The following AGBL1 variants were observed in gnomAD, a reference collection of about 807,000 sequenced individuals.
The protein encoded by AGBL1 is AGBL carboxypeptidase 1, also known as cytosolic carboxypeptidase 4.
In AGBL1, 130 loss-of-function variants were observed where a neutral mutation model predicts 118.9. That is an observed-to-expected ratio of 1.09 (90% CI 0.95 to 1.26). The LOEUF (loss-of-function observed/expected upper bound fraction) is 1.26, where lower values mean the gene tolerates loss of function less well. Among genes scored for constraint, AGBL1 ranks in the 50% most tolerant of loss-of-function variants. AGBL1 has a pLI of 0.00. For synonymous variants in AGBL1, 555 were observed against 478.9 expected (o/e 1.16, Z -2.08); for missense variants, 1,584 against 1,298.1 (o/e 1.22, Z -3.38).
chr15:86,317,401 G>A (rs2080029952), intron 17 of AGBL1, among the ~76,000 whole-genome samples: 1 of 152,190 alleles, frequency 6.6e-6, no homozygotes, highest in Non-Finnish European at 1.5e-5. Context: ...AAATAAAGAA[G>A]CAATGAGAGA....
At chr15:86,183,372 A>T in intron 5 of AGBL1, among the ~76,000 whole-genome samples, 1 of 152,186 alleles carries the variant, frequency 6.6e-6, no homozygotes, top group East Asian at 1.9e-4. Context: ...ATTCAATCCA[A>T]TACCCTCACT....
rs188519824 is a variant in AGBL1 at position 86,696,276 on chromosome 15, T to A, written c.3158+21840T>A. Among the ~76,000 whole-genome samples the A allele has an allele frequency of 3.3e-5, 5 of 152,160 alleles. No individual in the cohort carries two copies. The East Asian group carries it at 9.7e-4, about 29-fold the overall frequency. On this transcript the variant is annotated intron_variant, in intron 22 of 22. Transcript: ENST00000614907. ...TTTGGGAGCTCCAGTGTTAGATGCA[T>A]CTATATTTAGGATTGTGATATTTTC...
intron 18 of AGBL1, among the ~76,000 whole-genome samples, chr15:86,517,184 C>T (rs1238821929): frequency 6.6e-6 from 1 of 152,208 alleles, no homozygotes; most frequent in African/African-American, 2.4e-5. Context: ...AATATGTGTT[C>T]TAGTTCTGGA....
intron 1 of AGBL1, among the ~76,000 whole-genome samples, chr15:86,112,475 C>T (rs142072466): frequency 6.6e-6 from 1 of 152,270 alleles, no homozygotes; most frequent in African/African-American, 2.4e-5. Context: ...GAACATTGTT[C>T]CATTGTATTA....
At chr15:86,524,242 C>A (rs1307464889) in intron 19 of AGBL1, among the ~76,000 whole-genome samples, 1 of 152,192 alleles carries the variant, frequency 6.6e-6, no homozygotes, top group Admixed American at 6.5e-5. Flanking sequence ...CTCTTCATTA[C>A]TTACTGTTGA....
At chr15:86,565,958 C>A (rs768834037) in intron 21 of AGBL1, among the ~76,000 whole-genome samples, 1 of 152,218 alleles carries the variant, frequency 6.6e-6, no homozygotes, top group Non-Finnish European at 1.5e-5. Flanking sequence ...TCCTAGCGTG[C>A]CATTTGCTAA....
intron 21 of AGBL1, among the ~76,000 whole-genome samples, chr15:86,671,772 C>T (rs1479335663): frequency 6.6e-6 from 1 of 152,170 alleles, no homozygotes; most frequent in East Asian, 1.9e-4. Context: ...CAATATGTAT[C>T]TGAGAGATAA....
At chr15:86,876,797 G>A (rs1426379737) in intron 22 of AGBL1, among the ~76,000 whole-genome samples, 1 of 152,172 alleles carries the variant, frequency 6.6e-6, no homozygotes, top group Non-Finnish European at 1.5e-5. Context: ...CTTGCAGAAT[G>A]TAGTTGGCTG....
At chr15:86,364,272 G>A (rs1201951373) in intron 17 of AGBL1, among the ~76,000 whole-genome samples, 1 of 152,190 alleles carries the variant, frequency 6.6e-6, no homozygotes, top group Non-Finnish European at 1.5e-5. Flanking sequence ...TAATAATAGT[G>A]AACATGAATG....
At chr15:86,705,142 G>T (rs904437414) in intron 22 of AGBL1, among the ~76,000 whole-genome samples, 1 of 152,040 alleles carries the variant, frequency 6.6e-6, no homozygotes. Flanking sequence ...AGTGGCTGGT[G>T]GGGGGCAAGG....
chr15:86,820,091 G>C (rs904601727), intron 22 of AGBL1, among the ~76,000 whole-genome samples: 1 of 152,164 alleles, frequency 6.6e-6, no homozygotes, highest in African/African-American at 2.4e-5. Context: ...CTAGCCATAT[G>C]CAGAAAACTG....
intron 1 of AGBL1, among the ~76,000 whole-genome samples, chr15:86,102,510 G>A (rs773975208): frequency 5.3e-5 from 8 of 152,232 alleles, no homozygotes; most frequent in African/African-American, 1.7e-4. Flanking sequence ...GCTTGTCTTG[G>A]AAAGACTTTA....
intron 21 of AGBL1, among the ~76,000 whole-genome samples, chr15:86,557,771 G>C (rs1158575073): frequency 2.0e-5 from 3 of 152,066 alleles, no homozygotes; most frequent in Non-Finnish European, 4.4e-5. Context: ...GCTTAGTATA[G>C]TATAAAGTAG....
chr15:86,279,851 T>C (rs2079320883), intron 16 of AGBL1, 68 bp downstream of exon 16: 11 of 1,565,022 alleles, frequency 7.0e-6, no homozygotes, highest in Admixed American at 1.7e-5. Context: ...CCTGGGAACA[T>C]TTTGGAGACC....
intron 22 of AGBL1, among the ~76,000 whole-genome samples, chr15:86,682,300 C>T (rs2085974451): frequency 6.6e-6 from 1 of 152,048 alleles, no homozygotes; most frequent in East Asian, 1.9e-4. Flanking sequence ...AGAAGAAGTG[C>T]TAATTTTAGG....
chr15:86,214,392 A>G (rs2078151060), intron 5 of AGBL1, among the ~76,000 whole-genome samples: 1 of 152,212 alleles, frequency 6.6e-6, no homozygotes, highest in Non-Finnish European at 1.5e-5. Flanking sequence ...ATTCTGTAGA[A>G]TTCTATTTTG....
At chr15:86,970,625 T>C (rs1251377328) in intron 23 of AGBL1, among the ~76,000 whole-genome samples, 2 of 151,988 alleles carry the variant, frequency 1.3e-5, no homozygotes, top group Non-Finnish European at 2.9e-5. Flanking sequence ...TAGGTTTGAT[T>C]TGATAATGCA....
intron 22 of AGBL1, among the ~76,000 whole-genome samples, chr15:86,807,226 T>C (rs2141360617): frequency 6.6e-6 from 1 of 152,294 alleles, no homozygotes; most frequent in East Asian, 1.9e-4. Flanking sequence ...CACTTTAGCC[T>C]TGCAAATAGA....
At chr15:86,213,498 C>G (rs1030446654) in intron 5 of AGBL1, among the ~76,000 whole-genome samples, 2 of 152,146 alleles carry the variant, frequency 1.3e-5, no homozygotes, top group African/African-American at 4.8e-5. Flanking sequence ...GGGGCTGGAG[C>G]TTAAAACTCT....
Sources: gnomAD v4.1 joint callset for allele counts (sites outside exome capture counted in the v4.1 genomes callset) on GRCh38, gnomAD v4.1.1 for gene constraint, MANE v1.5 for transcripts, NCBI Gene and HGNC (gene_info 2026-07-23, HGNC 2026-07-21) for gene names.